SLC9B1: variants seen among roughly 807,000 people sequenced by gnomAD.
SLC9B1 encodes solute carrier family 9 member B1.
In SLC9B1, 32 loss-of-function variants were observed where a neutral mutation model predicts 51.7. The observed-to-expected ratio is 0.62, with a 90% CI of 0.47 to 0.83. SLC9B1 has a LOEUF of 0.83. Among genes scored for constraint, SLC9B1 ranks in the 40% least tolerant of loss-of-function variants. The pLI is 0.00. For synonymous variants in SLC9B1, 145 were observed against 212.7 expected (o/e 0.68, Z 2.77); for missense variants, 406 against 613.2 (o/e 0.66, Z 3.57).
At chr4:102,963,138 C>G in intron 3 of SLC9B1, 1 of 360,526 alleles carries the variant, frequency 2.8e-6, no homozygotes, top group South Asian at 2.1e-5. Flanking sequence ...AGCTCAGTGG[C>G]AGGAGAATCA....
chr4:103,019,519 C>T (rs1473942755), intron 1 of SLC9B1, 80 bp downstream of exon 1: 1 of 952,998 alleles, frequency 1.0e-6, no homozygotes, highest in East Asian at 1.2e-4. Flanking sequence ...CTGCGGCCTA[C>T]CGCAAGGAAA....
intron 1 of SLC9B1, among the ~76,000 whole-genome samples, chr4:103,016,059 G>A (rs545105010): frequency 2.4e-4 from 35 of 143,290 alleles, no homozygotes; most frequent in East Asian, 2.2e-4. Context: ...GCTTGAACCC[G>A]GGAGGCAGAG....
In SLC9B1 at chr4:102,991,689, T is replaced by C. The variant is rs775868751; in HGVS notation, c.23A>G (p.Asn8Ser). The change falls in exon 2 of 12, where the codon AAT (asparagine) becomes AGT (serine). Residue 8 changes from asparagine to serine, a missense_variant. By Grantham distance (46) the Asn-to-Ser change is conservative. Transcript: ENST00000296422. ...GAAGTTTTCATCCTCCAAATGTTCA[T>C]TTTTTGATTCTGTGGTATGCATGCT... MHTTESK[N>S]EHLEDENFQT... is the part of the protein sequence containing the mutation. The C allele has an allele frequency of 6.3e-7, 1 of 1,587,774 alleles. No individual in the cohort carries two copies.
At chr4:102,927,572 A>G (rs1736250559) in intron 7 of SLC9B1, among the ~76,000 whole-genome samples, 1 of 152,198 alleles carries the variant, frequency 6.6e-6, no homozygotes, top group Admixed American at 6.5e-5. Flanking sequence ...AAGTCAGGAA[A>G]CAACAGATGC....
In SLC9B1 at chr4:102,999,282, A is replaced by G. The variant is rs557283064; in HGVS notation, c.-1-7570T>C. On this transcript the variant is annotated intron_variant, in intron 1 of 11. Transcript: ENST00000296422. The stretch of plus-strand genomic sequence containing the variant: ...CTGTTGATAGTGTCCTTTGTTGCAC[A>G]TAAGTTTTAAATGTTAATGTAGTCC... Among the ~76,000 whole-genome samples, 13 of 152,340 alleles carry G rather than the reference A, an allele frequency of 8.5e-5. No individual in the cohort carries two copies. The South Asian group carries it at 1.2e-3, about 15-fold the overall frequency.
At chr4:102,941,701 T>G (rs1307645019) in intron 6 of SLC9B1, among the ~76,000 whole-genome samples, 1 of 142,472 alleles carries the variant, frequency 7.0e-6, no homozygotes, top group Non-Finnish European at 1.5e-5. Flanking sequence ...CAGCCAGCAT[T>G]ATACTGAATG....
chr4:103,013,988 A>C (rs917128050), intron 1 of SLC9B1, among the ~76,000 whole-genome samples: 7 of 152,234 alleles, frequency 4.6e-5, no homozygotes, highest in African/African-American at 1.7e-4. Context: ...TTCACAATGC[A>C]GAACAATATT....
chr4:102,902,950 T>C (rs540808786), intron 11 of SLC9B1, among the ~76,000 whole-genome samples: 1 of 152,342 alleles, frequency 6.6e-6, no homozygotes, highest in South Asian at 2.1e-4. Context: ...GTGAAAATAA[T>C]TTAAAATTGA....
At chr4:103,010,912 C>T (rs1398808439) in intron 1 of SLC9B1, among the ~76,000 whole-genome samples, 1 of 152,172 alleles carries the variant, frequency 6.6e-6, no homozygotes, top group Non-Finnish European at 1.5e-5. Context: ...CCCCTTCCCC[C>T]ACAACAAATT....
intron 1 of SLC9B1, among the ~76,000 whole-genome samples, chr4:103,016,058 C>T (rs577624531): frequency 5.3e-4 from 72 of 137,102 alleles, no homozygotes; most frequent in African/African-American, 1.9e-3. Flanking sequence ...CGCTTGAACC[C>T]GGGAGGCAGA....
At chr4:102,991,993 G>GA (rs1426597513) in intron 1 of SLC9B1, among the ~76,000 whole-genome samples, 1 of 152,068 alleles carries the variant, frequency 6.6e-6, no homozygotes, top group East Asian at 1.9e-4. Context: ...TCATGTATCA[G>GA]AAAATGCAGA....
At chr4:102,956,094 C>A (rs1737798542) in intron 3 of SLC9B1, among the ~76,000 whole-genome samples, 1 of 152,110 alleles carries the variant, frequency 6.6e-6, no homozygotes, top group African/African-American at 2.4e-5. Context: ...ATCCTGAGTA[C>A]TGAGTCTCTA....
chr4:102,905,000 A>G (rs1734958031), intron 11 of SLC9B1, among the ~76,000 whole-genome samples: 1 of 150,930 alleles, frequency 6.6e-6, no homozygotes, highest in Non-Finnish European at 1.5e-5. Flanking sequence ...AAAAACAATA[A>G]AAAAGCAGTT....
chr4:102,951,958 A>ATTTTTTTTT (rs1410808257), intron 3 of SLC9B1, among the ~76,000 whole-genome samples: 6 of 8,222 alleles, frequency 7.3e-4, no homozygotes, highest in Admixed American at 1.7e-3. Context: ...CAAAAATAAA[A>ATTTTTTTTT]TCTTTTTTTT....
intron 1 of SLC9B1, among the ~76,000 whole-genome samples, chr4:102,996,547 A>G (rs1437729987): frequency 6.6e-6 from 1 of 152,198 alleles, no homozygotes; most frequent in African/African-American, 2.4e-5. Flanking sequence ...TCTATGGTCT[A>G]TGAGCCATCT....
chr4:102,996,240 C>T (rs971142769), intron 1 of SLC9B1, among the ~76,000 whole-genome samples: 1 of 151,858 alleles, frequency 6.6e-6, no homozygotes, highest in African/African-American at 2.4e-5. Context: ...GTACTGGATC[C>T]CATTTTCATA....
At chr4:102,917,877 C>A (rs1300173139) in intron 7 of SLC9B1, among the ~76,000 whole-genome samples, 1 of 151,838 alleles carries the variant, frequency 6.6e-6, no homozygotes, top group Non-Finnish European at 1.5e-5. Context: ...TGAGACCAGC[C>A]TGAGCAACAT....
At chr4:102,888,931 A>G (rs2110406341) in intron 11 of SLC9B1, 1 of 152,378 alleles carries the variant, frequency 6.6e-6, no homozygotes, top group Admixed American at 6.5e-5. Context: ...GATACAGTTT[A>G]TTCAGTTCAC....
At chr4:102,905,673 T>C in intron 10 of SLC9B1, 23 bp from the exon 11 acceptor site, 1 of 1,596,338 alleles carries the variant, frequency 6.3e-7, no homozygotes, top group Non-Finnish European at 8.5e-7. Context: ...AAAACAAACA[T>C]AAATAACAAA....
Sources: allele counts gnomAD v4.1 joint callset (sites outside exome capture counted in the v4.1 genomes callset), GRCh38; gene constraint gnomAD v4.1.1; transcripts MANE v1.5; gene names NCBI Gene and HGNC (gene_info 2026-07-23, HGNC 2026-07-21).